ZNF365: variants seen among roughly 807,000 people sequenced by gnomAD.
ZNF365 encodes zinc finger protein 365.
ZNF365 carries 22 observed loss-of-function variants against 35.0 expected under a neutral mutation model. The ratio of observed to expected loss-of-function variants is 0.63; its 90% CI spans 0.45 to 0.90. The LOEUF (loss-of-function observed/expected upper bound fraction) is 0.90. Among genes scored for constraint, ZNF365 ranks in the 40% least tolerant of loss-of-function variants. The pLI is 0.00. For synonymous variants in ZNF365, 188 were observed against 196.2 expected (o/e 0.96, Z 0.35); for missense variants, 448 against 500.3 (o/e 0.90, Z 1.00).
intron 3 of ZNF365, among the ~76,000 whole-genome samples, chr10:62,432,408 C>G (rs1253536403): frequency 2.0e-5 from 3 of 152,132 alleles, no homozygotes; most frequent in Non-Finnish European, 4.4e-5. Flanking sequence ...CAGGAAGCAA[C>G]CTTAGGAATG....
intron 3 of ZNF365, among the ~76,000 whole-genome samples, chr10:62,390,365 T>C (rs1312439682): frequency 6.6e-6 from 1 of 152,214 alleles, no homozygotes; most frequent in East Asian, 1.9e-4. Context: ...AATCTTCCGA[T>C]ACTCAGCCAA....
intron 3 of ZNF365, among the ~76,000 whole-genome samples, chr10:62,408,487 A>G (rs1465397494): frequency 6.6e-6 from 1 of 152,144 alleles, no homozygotes; most frequent in Non-Finnish European, 1.5e-5. Flanking sequence ...AACTTATTTA[A>G]TCGATTAGAG....
chr10:62,479,253 C>T (rs773086100), intron 4 of ZNF365, among the ~76,000 whole-genome samples: 6 of 152,170 alleles, frequency 3.9e-5, no homozygotes, highest in Non-Finnish European at 2.9e-5. Context: ...ATTCCTCCCA[C>T]GTAGAAGAAA....
At chr10:62,469,561 T>C (rs1840999972) in intron 4 of ZNF365, among the ~76,000 whole-genome samples, 1 of 152,234 alleles carries the variant, frequency 6.6e-6, no homozygotes, top group African/African-American at 2.4e-5. Flanking sequence ...TTATATTTTT[T>C]ATTTATCTTT....
chr10:62,398,216 G>A (rs771854493), intron 3 of ZNF365, among the ~76,000 whole-genome samples: 4 of 152,144 alleles, frequency 2.6e-5, no homozygotes, highest in African/African-American at 7.2e-5. Context: ...ATCAACCAAC[G>A]AGTGGATAAA....
At chr10:62,446,951 C>T (rs1443961908) in intron 3 of ZNF365, among the ~76,000 whole-genome samples, 1 of 152,162 alleles carries the variant, frequency 6.6e-6, no homozygotes, top group Non-Finnish European at 1.5e-5. Flanking sequence ...GGCTAATGTA[C>T]ACCCTTTCTC....
intron 2 of ZNF365, among the ~76,000 whole-genome samples, chr10:62,379,293 G>C (rs1839391446): frequency 6.6e-6 from 1 of 151,836 alleles, no homozygotes; most frequent in South Asian, 2.1e-4. Context: ...CAAAGTGCTG[G>C]GATTATAGTT....
intron 3 of ZNF365, among the ~76,000 whole-genome samples, chr10:62,393,303 C>T (rs763082200): frequency 5.9e-5 from 9 of 152,172 alleles, no homozygotes; most frequent in South Asian, 2.1e-4. Context: ...ATACACAAAC[C>T]GGTAGCCTAG....
chr10:62,456,884 C>T (rs1241934788), intron 3 of ZNF365, among the ~76,000 whole-genome samples: 1 of 152,086 alleles, frequency 6.6e-6, no homozygotes, highest in Non-Finnish European at 1.5e-5. Flanking sequence ...CAACAATAAG[C>T]ATTTACTTAA....
intron 4 of ZNF365, chr10:62,479,784 A>G (rs1841192101): frequency 1.1e-5 from 10 of 885,374 alleles, no homozygotes; most frequent in Non-Finnish European, 1.5e-5. Context: ...GCCAGGACCC[A>G]TGGTTGAAAC....
chr10:62,407,575 GTCTCCTCTCCTCTCC>G (rs3081228), intron 3 of ZNF365, among the ~76,000 whole-genome samples: 7,154 of 151,442 alleles, frequency 0.047, 350 homozygotes, highest in African/African-American at 0.13. Context: ...GGATTTGAGG[GTCTCCTCTCCTCTCC>G]TCTCCTCTCC....
At chr10:62,467,764 G>C (rs904607104) in intron 4 of ZNF365, among the ~76,000 whole-genome samples, 9 of 152,146 alleles carry the variant, frequency 5.9e-5, no homozygotes, top group African/African-American at 2.2e-4. Context: ...TATGAATCAT[G>C]CTTCAAGCCT....
intron 3 of ZNF365, among the ~76,000 whole-genome samples, chr10:62,457,770 C>T (rs1295840886): frequency 2.0e-5 from 3 of 152,178 alleles, no homozygotes; most frequent in African/African-American, 7.2e-5. Context: ...GTGTCAGGTG[C>T]AGCTCCCTGC....
At chr10:62,375,871 G>A (rs1030002535) in intron 1 of ZNF365, 7 of 241,132 alleles carry the variant, frequency 2.9e-5, no homozygotes, top group Non-Finnish European at 3.9e-5. Context: ...GTAGGAGTTG[G>A]CAAACTTTTT....
intron 3 of ZNF365, among the ~76,000 whole-genome samples, chr10:62,412,995 G>C (rs1267614764): frequency 3.9e-5 from 6 of 152,162 alleles, no homozygotes; most frequent in Non-Finnish European, 7.3e-5. Context: ...GTTGGAAAGA[G>C]AGAAGGTTGG....
chr10:62,443,832 C>T lies in ZNF365; in HGVS notation c.925-15909C>T, dbSNP rs548163270. On this transcript the variant is annotated intron_variant, in intron 3 of 4. Transcript: ENST00000395255. The stretch of plus-strand genomic sequence containing the variant: ...CTGCATTTCACTGAGAACTAATGTC[C>T]CTGTGACCAGTAAATAATGTTAACT... Among the ~76,000 whole-genome samples the T allele has an allele frequency of 2.6e-4, 39 of 152,150 alleles. No individual in the cohort carries two copies. The South Asian group carries it at 7.5e-3, about 29-fold the overall frequency.
chr10:62,444,350 A>G (rs971814575), intron 3 of ZNF365, among the ~76,000 whole-genome samples: 2 of 152,078 alleles, frequency 1.3e-5, no homozygotes, highest in Admixed American at 1.3e-4. Flanking sequence ...TCAGTGTATA[A>G]CTTCTGAGCC....
intron 2 of ZNF365, among the ~76,000 whole-genome samples, chr10:62,379,748 C>G (rs1839403712): frequency 6.6e-6 from 1 of 152,172 alleles, no homozygotes; most frequent in Non-Finnish European, 1.5e-5. Flanking sequence ...GTGGTGGGTG[C>G]ATCTTCCATC....
chr10:62,464,473 C>T (rs1481913672), intron 4 of ZNF365, among the ~76,000 whole-genome samples: 2 of 152,228 alleles, frequency 1.3e-5, no homozygotes, highest in Non-Finnish European at 2.9e-5. Flanking sequence ...GCGCCTTGTA[C>T]ACAGCCTTAC....
Sources: allele counts gnomAD v4.1 joint callset (sites outside exome capture counted in the v4.1 genomes callset), GRCh38; gene constraint gnomAD v4.1.1; transcripts MANE v1.5; gene names NCBI Gene and HGNC (gene_info 2026-07-23, HGNC 2026-07-21).